Variants in RAMP2 observed in about 807,000 individuals in gnomAD.
RAMP2 encodes the protein receptor activity modifying protein 2, also known as receptor activity-modifying protein 2.
A neutral mutation model predicts 18.2 loss-of-function variants in RAMP2; 11 were observed. The observed-to-expected ratio is 0.60, with a 90% CI of 0.38 to 1.00. The LOEUF is 1.00. Ranked by LOEUF, RAMP2 falls within the 50% of genes least tolerant of loss-of-function variation. RAMP2 has a pLI of 0.01. For missense variants in RAMP2, 191 were observed against 226.5 expected, an observed-to-expected ratio of 0.84 and a Z score of 1.01; for synonymous variants, 86 against 90.8, an observed-to-expected ratio of 0.95 and a Z score of 0.30.
At position 42,761,526 on chromosome 17, in the gene RAMP2, G is replaced by A. The variant is rs1414958664; in HGVS notation, c.97+168G>A. Among the ~76,000 whole-genome samples the A allele has an allele frequency of 6.6e-6, 1 of 152,160 alleles. No homozygotes were observed. The highest frequency in any genetic ancestry group is 2.4e-5 in the African/African-American group (1 of 41,450). ...CTCGGACGGTCCCTGACCCCACCTC[G>A]GGGCGGGCGCAGCATGAGCTGCTTC... On this transcript the variant is annotated intron_variant, in intron 1 of 3. Coordinates refer to ENST00000253796, the MANE Select transcript of RAMP2 (RefSeq NM_005854.3). The surrounding 1 kb of genome is among the most constrained non-coding windows in gnomAD (Gnocchi z 4.2).
chr17:42,762,222 A>C, intron 2 of RAMP2, 133 bp from the exon 3 acceptor site: 1 of 1,363,616 alleles, frequency 7.3e-7, no homozygotes, highest in Non-Finnish European at 1.0e-6. Flanking sequence ...CCTCAGCCAG[A>C]ATGTTTTGCT....
At position 42,761,381 on chromosome 17, in the gene RAMP2, C is replaced by T. The variant is rs1386124035; in HGVS notation, c.97+23C>T. Reference sequence around the variant, plus strand: ...GCGGTGAGCGCGGCGCCCCGAGGCCCGGGCGGGAGGCGCGAGAGGCCCCGG... The same window carrying T: ...GCGGTGAGCGCGGCGCCCCGAGGCCTGGGCGGGAGGCGCGAGAGGCCCCGG... On this transcript the variant is annotated intron_variant, in intron 1 of 3. Coordinates refer to ENST00000253796, the MANE Select transcript of RAMP2 (RefSeq NM_005854.3). This position sits in a 1 kb window ranked among gnomAD's most constrained non-coding sequence, Gnocchi z 4.2. The T allele has an allele frequency of 2.3e-6, 3 of 1,304,556 alleles. No homozygotes were observed. The highest frequency in any genetic ancestry group is 3.1e-5 in the East Asian group (1 of 32,074). 80.8% of individuals were successfully genotyped at this position (1,304,556 alleles called of 1,614,324 possible).
Position 42,761,375 on chromosome 17 carries a change from G to A in RAMP2, c.97+17G>A. The A allele has an allele frequency of 1.7e-5, 22 of 1,316,648 alleles. No homozygotes were observed. The highest frequency in any genetic ancestry group is 2.0e-5 in the Non-Finnish European group (21 of 1,036,346). 81.6% of individuals were successfully genotyped at this position (1,316,648 alleles called of 1,614,324 possible). A position where few individuals can be genotyped will look rare whatever the true frequency, so the allele number is the denominator to read the frequency against. On this transcript the variant is annotated intron_variant, in intron 1 of 3. Coordinates refer to ENST00000253796, the MANE Select transcript of RAMP2 (RefSeq NM_005854.3). This position sits in a 1 kb window ranked among gnomAD's most constrained non-coding sequence, Gnocchi z 4.2. ...TGCTGGGCGGTGAGCGCGGCGCCCC[G>A]AGGCCCGGGCGGGAGGCGCGAGAGG...
At position 42,762,835 on chromosome 17, in the gene RAMP2, A is replaced by G. The variant is rs1379573380; in HGVS notation, c.511A>G (p.Ser171Gly). 32 of 1,603,726 alleles carry G rather than the reference A, an allele frequency of 2.0e-5. No individual in the cohort carries two copies. Among genetic ancestry groups the G allele is most frequent in the Non-Finnish European group, 2.4e-5 (28 of 1,172,874 alleles). ...TCTTGTAGTATGGAGGAGTAAAGAC[A>G]GTGAGGCCCAGGCCTAGGGGGCCAC... ...ITLVVWRSKD[S>G]EAQA The change falls in exon 4 of 4, where the codon AGT becomes GGT. Residue 171 changes from serine (S) to glycine (G), a missense_variant. Coordinates refer to ENST00000253796, the MANE Select transcript of RAMP2 (RefSeq NM_005854.3).
Position 42,761,741 on chromosome 17 carries a change from A to G in RAMP2, c.98-93A>G, listed in dbSNP as rs1568019707. ...TCCTCCTTTTCTTCCAAGGTAGCCT[A>G]TTTTCGGAGGGTCTCAGTCCCCCAA... is the stretch of plus-strand genomic sequence containing the variant. On this transcript the variant is annotated intron_variant, in intron 1 of 3. Transcript: ENST00000253796. The surrounding 1 kb of genome is among the most constrained non-coding windows in gnomAD (Gnocchi z 4.2). 5.5e-6 allele frequency: 6 copies of G among 1,083,130 alleles called. No homozygotes were observed. The highest frequency in any genetic ancestry group is 8.4e-6 in the Non-Finnish European group (6 of 717,554). 67.1% of individuals were successfully genotyped at this position (1,083,130 alleles called of 1,614,324 possible). A position where few individuals can be genotyped will look rare whatever the true frequency, so the allele number is the denominator to read the frequency against.
chr17:42,761,994 G>C lies in RAMP2; in HGVS notation c.163+95G>C, dbSNP rs536097354. On this transcript the variant is annotated intron_variant, in intron 2 of 3. Transcript: ENST00000253796. This position sits in a 1 kb window ranked among gnomAD's most constrained non-coding sequence, Gnocchi z 4.2. ...TTCCCACGAGGCCTGCCCAACCCCA[G>C]CTGATGCCCCACTACACTCCCCTCT... 1 of 1,188,080 alleles carries C rather than the reference G, an allele frequency of 8.4e-7. No homozygotes were observed. Among genetic ancestry groups the C allele is most frequent in the Non-Finnish European group, 1.2e-6 (1 of 822,522 alleles). The allele number at this position is 1,188,080 out of a possible 1,614,324, so 73.6% of individuals were successfully genotyped here. A position where few individuals can be genotyped will look rare whatever the true frequency, so the allele number is the denominator to read the frequency against.
In RAMP2 at chr17:42,762,389, A is replaced by G. The variant is rs767157101; in HGVS notation, c.198A>G (p.Gln66=). 4.3e-6 allele frequency: 7 copies of G among 1,613,990 alleles called. No homozygotes were observed. Among genetic ancestry groups the G allele is most frequent in the South Asian group, 3.3e-5 (3 of 91,084 alleles). The change falls in exon 3 of 4, where the codon CAA becomes CAG. Residue 66 remains glutamine (Q), a synonymous_variant. Transcript: ENST00000253796. ...GTVKNYETAV[Q]FCWNHYKDQM... ...TGAAGAACTATGAGACAGCTGTCCA[A>G]TTTTGCTGGAATCATTATAAGGATC...
At position 42,762,854 on chromosome 17, in the gene RAMP2, G is replaced by A. The variant is rs1224046046; in HGVS notation, c.*2G>A. 2 of 1,580,796 alleles carry A rather than the reference G, an allele frequency of 1.3e-6. No homozygotes were observed. Among genetic ancestry groups the A allele is most frequent in the South Asian group, 2.3e-5 (2 of 87,526 alleles). ...AAAGACAGTGAGGCCCAGGCCTAGG[G>A]GGCCACGAGCTTCTCAACAACCATG... On this transcript the variant is annotated 3_prime_UTR_variant, in exon 4 of 4. Coordinates refer to ENST00000253796, the MANE Select transcript of RAMP2 (RefSeq NM_005854.3).
Position 42,761,675 on chromosome 17 carries a change from C to A in RAMP2, c.98-159C>A, listed in dbSNP as rs1175477062. Among the ~76,000 whole-genome samples the A allele has an allele frequency of 1.3e-5, 2 of 152,166 alleles. No individual in the cohort carries two copies. Among genetic ancestry groups the A allele is most frequent in the Non-Finnish European group, 2.9e-5 (2 of 68,010 alleles). On this transcript the variant is annotated intron_variant, in intron 1 of 3. Transcript: ENST00000253796. This position sits in a 1 kb window ranked among gnomAD's most constrained non-coding sequence, Gnocchi z 4.2. ...AGTGACAAGGAGCTGGTGCCAGCCC[C>A]TCCCTCCCCGGCACTGAGGCGTCCG... is the stretch of plus-strand genomic sequence containing the variant.
Position 42,761,960 on chromosome 17 carries a change from AG to A in RAMP2, c.163+64del. On this transcript the variant is annotated intron_variant, in intron 2 of 3. Coordinates refer to ENST00000253796, the MANE Select transcript of RAMP2 (RefSeq NM_005854.3). This position sits in a 1 kb window ranked among gnomAD's most constrained non-coding sequence, Gnocchi z 4.2. ...AAGGACGAGAGCAAGTTCAGTGGGGAGGGTTCCTTTCCCACGAGGCCTGCCC... is the reference window on the plus strand; with the variant it reads ...AAGGACGAGAGCAAGTTCAGTGGGGAGGTTCCTTTCCCACGAGGCCTGCCC... The A allele has an allele frequency of 1.4e-6, 2 of 1,457,312 alleles. No homozygotes were observed. The highest frequency in any genetic ancestry group is 2.4e-5 in the South Asian group (2 of 83,978). The allele number at this position is 1,457,312 out of a possible 1,614,324, so 90.3% of individuals were successfully genotyped here. A position where few individuals can be genotyped will look rare whatever the true frequency, so the allele number is the denominator to read the frequency against.
rs2054363356 is a variant in RAMP2, at chr17:42,761,386, G to T, written c.97+28G>T. On this transcript the variant is annotated intron_variant, in intron 1 of 3. Transcript: ENST00000253796. This position sits in a 1 kb window ranked among gnomAD's most constrained non-coding sequence, Gnocchi z 4.2. ...GAGCGCGGCGCCCCGAGGCCCGGGCGGGAGGCGCGAGAGGCCCCGGAGGGG... is the reference window on the plus strand; with the variant it reads ...GAGCGCGGCGCCCCGAGGCCCGGGCTGGAGGCGCGAGAGGCCCCGGAGGGG... The T allele has an allele frequency of 1.5e-6, 2 of 1,300,184 alleles. No homozygotes were observed. The highest frequency in any genetic ancestry group is 4.3e-5 in the South Asian group (2 of 46,618). 80.5% of individuals were successfully genotyped at this position (1,300,184 alleles called of 1,614,324 possible).
In RAMP2 at chr17:42,761,410, G is replaced by A. The variant is rs919369272; in HGVS notation, c.97+52G>A. On this transcript the variant is annotated intron_variant, in intron 1 of 3. Transcript: ENST00000253796. This position sits in a 1 kb window ranked among gnomAD's most constrained non-coding sequence, Gnocchi z 4.2. ...CGGGAGGCGCGAGAGGCCCCGGAGG[G>A]GAGAGGGGAGAGGGGAGAGGGGCTG... The A allele has an allele frequency of 3.3e-6, 4 of 1,199,954 alleles. No homozygotes were observed. In the Admixed American group the frequency reaches 1.7e-4, roughly 50 times the overall value. 74.3% of individuals were successfully genotyped at this position (1,199,954 alleles called of 1,614,324 possible).
At chr17:42,762,264 A>T (rs1438889338) in intron 2 of RAMP2, 91 bp from the exon 3 acceptor site, 1 of 1,588,062 alleles carries the variant, frequency 6.3e-7, no homozygotes, top group Non-Finnish European at 8.6e-7. Context: ...CCCACGTTTG[A>T]AGACAGGCAG....
Position 42,761,431 on chromosome 17 carries a change from G to A in RAMP2, c.97+73G>A, listed in dbSNP as rs1597885015. On this transcript the variant is annotated intron_variant, in intron 1 of 3. Coordinates refer to ENST00000253796, the MANE Select transcript of RAMP2 (RefSeq NM_005854.3). This position sits in a 1 kb window ranked among gnomAD's most constrained non-coding sequence, Gnocchi z 4.2. ...GAGGGGAGAGGGGAGAGGGGAGAGG[G>A]GCTGGATGGCCGAGGCCGGAACGGG... 8.5e-7 allele frequency: 1 copy of A among 1,183,322 alleles called. No individual in the cohort carries two copies. The highest frequency in any genetic ancestry group is 3.2e-5 in the East Asian group (1 of 31,496). The allele number at this position is 1,183,322 out of a possible 1,614,324, so 73.3% of individuals were successfully genotyped here.
At position 42,761,269 on chromosome 17, in the gene RAMP2, C is replaced by A. The variant is rs1036872287; in HGVS notation, c.8C>A (p.Ser3Ter). ...TCGCCTCCTTGCTGCACGATGGCCT[C>A]GCTCCGGGTGGAGCGCGCCGGCGGC... The part of the protein sequence containing the change: MA[S>*]LRVERAGGPR... The change falls in exon 1 of 4, where the codon TCG becomes TAG. Residue 3 changes from serine (S) to a stop codon, truncating the protein, a stop_gained. Transcript: ENST00000253796. LOFTEE classifies it high-confidence loss of function. This position sits in a 1 kb window ranked among gnomAD's most constrained non-coding sequence, Gnocchi z 4.2. 1 of 1,434,826 alleles carries A rather than the reference C, an allele frequency of 7.0e-7. No individual in the cohort carries two copies. The highest frequency in any genetic ancestry group is 9.1e-7 in the Non-Finnish European group (1 of 1,098,330). The allele number at this position is 1,434,826 out of a possible 1,614,324, so 88.9% of individuals were successfully genotyped here. A position where few individuals can be genotyped will look rare whatever the true frequency, so the allele number is the denominator to read the frequency against.
Position 42,761,688 on chromosome 17 carries a change from A to G in RAMP2, c.98-146A>G. ...TGGTGCCAGCCCCTCCCTCCCCGGC[A>G]CTGAGGCGTCCGTGGGGGCTAGATT... On this transcript the variant is annotated intron_variant, in intron 1 of 3. Coordinates refer to ENST00000253796, the MANE Select transcript of RAMP2 (RefSeq NM_005854.3). This position sits in a 1 kb window ranked among gnomAD's most constrained non-coding sequence, Gnocchi z 4.2. The G allele has an allele frequency of 1.4e-6, 1 of 717,796 alleles. No homozygotes were observed. Among genetic ancestry groups the G allele is most frequent in the Non-Finnish European group, 2.4e-6 (1 of 419,428 alleles). 44.5% of individuals were successfully genotyped at this position (717,796 alleles called of 1,614,324 possible). A position where few individuals can be genotyped will look rare whatever the true frequency, so the allele number is the denominator to read the frequency against.
At position 42,761,900 on chromosome 17, in the gene RAMP2, G is replaced by A; in HGVS notation, c.163+1G>A. 6.4e-7 allele frequency: 1 copy of A among 1,571,292 alleles called. No homozygotes were observed. Reference sequence around the variant, plus strand: ...ACCACAGGCACACCAGGGTCAGAAGGTGGGTACCCAGGGTGTGGAAGGGTG... The same window carrying A: ...ACCACAGGCACACCAGGGTCAGAAGATGGGTACCCAGGGTGTGGAAGGGTG... On this transcript the variant is annotated splice_donor_variant, in intron 2 of 3. Transcript: ENST00000253796. LOFTEE classifies it high-confidence loss of function. This position sits in a 1 kb window ranked among gnomAD's most constrained non-coding sequence, Gnocchi z 4.2.
intron 2 of RAMP2, among the ~76,000 whole-genome samples, 195 bp downstream of exon 2, chr17:42,762,094 C>T (rs2054369247): frequency 6.6e-6 from 1 of 152,212 alleles, no homozygotes; most frequent in South Asian, 2.1e-4. Context: ...GAGCTGCCCA[C>T]CTCACAAGTG....
Position 42,762,394 on chromosome 17 carries a change from G to T in RAMP2, c.203G>T (p.Cys68Phe). Reference protein sequence around the residue: ...VKNYETAVQFCWNHYKDQMDP... With the variant: ...VKNYETAVQFFWNHYKDQMDP... ...AACTATGAGACAGCTGTCCAATTTT[G>T]CTGGAATCATTATAAGGATCAAATG... The change falls in exon 3 of 4, where the codon TGC becomes TTC. Residue 68 changes from cysteine (C) to phenylalanine (F), a missense_variant. Physicochemically the swap from Cys to Phe is radical, Grantham distance 205. Coordinates refer to ENST00000253796, the MANE Select transcript of RAMP2 (RefSeq NM_005854.3). The T allele has an allele frequency of 6.2e-7, 1 of 1,614,126 alleles. No individual in the cohort carries two copies. The highest frequency in any genetic ancestry group is 2.2e-5 in the East Asian group (1 of 44,882).
Sources: allele counts gnomAD v4.1 joint callset (sites outside exome capture counted in the v4.1 genomes callset), GRCh38; gene constraint gnomAD v4.1.1; non-coding constraint Gnocchi (gnomAD v3.1); transcripts MANE v1.5; gene names NCBI Gene and HGNC (gene_info 2026-07-23, HGNC 2026-07-21).